Variants in DCC observed in about 807,000 individuals in gnomAD.
The protein encoded by DCC is netrin receptor DCC.
In DCC, 58 loss-of-function variants were observed where a neutral mutation model predicts 172.5. The ratio of observed to expected loss-of-function variants is 0.34; its 90% CI spans 0.27 to 0.42. The LOEUF (loss-of-function observed/expected upper bound fraction) is 0.42, where lower values mean the gene tolerates loss of function less well. Ranked by LOEUF, DCC falls within the 10% of genes least tolerant of loss-of-function variation. DCC has a pLI of 1.00. For missense variants in DCC, 1,740 were observed against 1,791.0 expected, an observed-to-expected ratio of 0.97 and a Z score of 0.51; for synonymous variants, 709 against 644.5, an observed-to-expected ratio of 1.10 and a Z score of -1.52.
chr18:53,439,204 C>A (rs973644098), intron 22 of DCC, among the ~76,000 whole-genome samples: 4 of 152,060 alleles, frequency 2.6e-5, no homozygotes, highest in Non-Finnish European at 4.4e-5. Context: ...TTAGCCTTGG[C>A]TATTACAAGC....
At chr18:53,494,107 G>T (rs1190944447) in intron 26 of DCC, among the ~76,000 whole-genome samples, 3 of 152,282 alleles carry the variant, frequency 2.0e-5, no homozygotes, top group South Asian at 2.1e-4. Context: ...TCAGGAGCAG[G>T]TTGTTCAGTT....
intron 1 of DCC, among the ~76,000 whole-genome samples, chr18:52,394,868 A>T (rs1000603217): frequency 6.6e-6 from 1 of 152,072 alleles, no homozygotes; most frequent in Non-Finnish European, 1.5e-5. Flanking sequence ...GTTGCAAGGA[A>T]GGTTTATCTG....
intron 1 of DCC, among the ~76,000 whole-genome samples, chr18:52,349,391 G>C (rs1206273696): frequency 6.6e-6 from 1 of 152,130 alleles, no homozygotes; most frequent in East Asian, 1.9e-4. Flanking sequence ...CATTGTTCCT[G>C]CATCTTTTTT....
chr18:53,001,930 A>G (rs1468744971), intron 5 of DCC, among the ~76,000 whole-genome samples: 3 of 152,140 alleles, frequency 2.0e-5, no homozygotes, highest in Non-Finnish European at 4.4e-5. Context: ...TGGAGTAGTA[A>G]AAGAAACATT....
intron 1 of DCC, among the ~76,000 whole-genome samples, chr18:52,600,818 C>T (rs1053842092): frequency 6.6e-6 from 1 of 152,058 alleles, no homozygotes; most frequent in Non-Finnish European, 1.5e-5. Context: ...TCATGTTAGG[C>T]TTCTGCCACT....
intron 1 of DCC, among the ~76,000 whole-genome samples, chr18:52,636,911 T>C (rs1471666954): frequency 6.6e-6 from 1 of 152,146 alleles, no homozygotes; most frequent in South Asian, 2.1e-4. Flanking sequence ...GAACTCTCAC[T>C]GAGTCCTGCA....
At chr18:52,433,577 TA>T (rs1231372814) in intron 1 of DCC, among the ~76,000 whole-genome samples, 1 of 152,188 alleles carries the variant, frequency 6.6e-6, no homozygotes, top group Non-Finnish European at 1.5e-5. Flanking sequence ...CAGAAACACA[TA>T]ATGGGAACCA....
At chr18:53,455,559 C>T (rs538679665) in intron 23 of DCC, among the ~76,000 whole-genome samples, 196 of 152,278 alleles carry the variant, frequency 1.3e-3, no homozygotes, top group African/African-American at 4.5e-3. Context: ...TAAATACTTG[C>T]ATGTCAATAA....
chr18:52,814,511 T>C (rs1270131441), intron 2 of DCC, among the ~76,000 whole-genome samples: 1 of 152,022 alleles, frequency 6.6e-6, no homozygotes, highest in African/African-American at 2.4e-5. Flanking sequence ...TATCACAAAC[T>C]GATGATCTAT....
At chr18:52,545,791 A>C (rs907424826) in intron 1 of DCC, among the ~76,000 whole-genome samples, 2 of 152,182 alleles carry the variant, frequency 1.3e-5, no homozygotes, top group East Asian at 3.9e-4. Context: ...GTAGACTGGC[A>C]TGTGCCTTCT....
chr18:53,273,478 T>A (rs1339379347), intron 12 of DCC, among the ~76,000 whole-genome samples: 1 of 152,150 alleles, frequency 6.6e-6, no homozygotes, highest in Non-Finnish European at 1.5e-5. Context: ...TTAAAGAACA[T>A]ATATCATTAA....
At chr18:53,133,633 A>T (rs2043693036) in intron 7 of DCC, among the ~76,000 whole-genome samples, 1 of 152,230 alleles carries the variant, frequency 6.6e-6, no homozygotes, top group African/African-American at 2.4e-5. Context: ...ATTGCAAAAG[A>T]GATAAAACAG....
intron 8 of DCC, among the ~76,000 whole-genome samples, chr18:53,170,329 C>T (rs914747797): frequency 6.6e-6 from 1 of 152,148 alleles, no homozygotes; most frequent in South Asian, 2.1e-4. Flanking sequence ...TGAATATTTT[C>T]ATTATTGGAA....
At chr18:53,284,485 C>A (rs1454646756) in intron 12 of DCC, among the ~76,000 whole-genome samples, 2 of 152,142 alleles carry the variant, frequency 1.3e-5, no homozygotes, top group African/African-American at 2.4e-5. Context: ...TTGTCTGCCA[C>A]CATGTGAGAC....
intron 1 of DCC, among the ~76,000 whole-genome samples, chr18:52,431,746 A>G (rs1486495217): frequency 6.6e-6 from 1 of 152,114 alleles, no homozygotes; most frequent in African/African-American, 2.4e-5. Context: ...TTCCAGAGAC[A>G]CTAGCCTTTT....
At chr18:53,062,417 A>G (rs1262734335) in intron 5 of DCC, among the ~76,000 whole-genome samples, 2 of 152,062 alleles carry the variant, frequency 1.3e-5, no homozygotes, top group South Asian at 2.1e-4. Context: ...ATACCTATCC[A>G]TTTTCTATGT....
intron 12 of DCC, among the ~76,000 whole-genome samples, chr18:53,297,917 G>A (rs2057087077): frequency 6.6e-6 from 1 of 152,272 alleles, no homozygotes; most frequent in Admixed American, 6.5e-5. Context: ...ACCTACAGAT[G>A]AGGATGAATA....
intron 2 of DCC, among the ~76,000 whole-genome samples, chr18:52,892,722 C>G (rs2039668674): frequency 6.6e-6 from 1 of 152,076 alleles, no homozygotes. Flanking sequence ...AATTCTTAAA[C>G]AAGTTTTGAT....
Position 53,033,064 on chromosome 18 carries a change from T to C in DCC, c.986-30241T>C, listed in dbSNP as rs1040919739. 2.6e-5 allele frequency among the ~76,000 whole-genome samples: 4 copies of C among 152,248 alleles called. No homozygotes were observed. The East Asian group carries it at 7.7e-4, about 29-fold the overall frequency. ...TCTCCATGAAAGTTAGCGCTGGTTC[T>C]GTGACAAGTGACTGAAGACTCCTAA... On this transcript the variant is annotated intron_variant, in intron 5 of 28. Transcript: ENST00000442544.
Sources: allele counts gnomAD v4.1 joint callset (sites outside exome capture counted in the v4.1 genomes callset), GRCh38; gene constraint gnomAD v4.1.1; transcripts MANE v1.5; gene names NCBI Gene and HGNC (gene_info 2026-07-23, HGNC 2026-07-21).